FMNL2: variants seen among roughly 807,000 people sequenced by gnomAD.
FMNL2 encodes the protein formin-like protein 2.
A neutral mutation model predicts 130.2 loss-of-function variants in FMNL2; 51 were observed. The observed-to-expected ratio is 0.39, with a 90% confidence interval of 0.31 to 0.49. FMNL2 has a LOEUF of 0.49. Ranked by LOEUF, FMNL2 falls within the 20% of genes least tolerant of loss-of-function variation. The pLI is 0.85. For synonymous variants in FMNL2, 465 were observed against 467.1 expected (o/e 1.00, Z 0.06); for missense variants, 977 against 1,316.2 (o/e 0.74, Z 3.99).
At chr2:152,452,907 G>A (rs1254642513) in intron 1 of FMNL2, among the ~76,000 whole-genome samples, 2 of 151,982 alleles carry the variant, frequency 1.3e-5, no homozygotes, top group African/African-American at 4.8e-5. Context: ...GATTAGAAAG[G>A]AAATATGGCT....
intron 1 of FMNL2, among the ~76,000 whole-genome samples, chr2:152,511,843 C>T (rs924301413): frequency 6.6e-6 from 1 of 152,154 alleles, no homozygotes; most frequent in Non-Finnish European, 1.5e-5. Flanking sequence ...TTCAGATCAG[C>T]AGGTGATACA....
intron 1 of FMNL2, among the ~76,000 whole-genome samples, chr2:152,431,780 A>G (rs1009292674): frequency 6.6e-6 from 1 of 151,918 alleles, no homozygotes; most frequent in African/African-American, 2.4e-5. Flanking sequence ...AGCCCGGGCA[A>G]CATAGGGAGA....
At chr2:152,470,187 A>G (rs973478452) in intron 1 of FMNL2, among the ~76,000 whole-genome samples, 2 of 152,158 alleles carry the variant, frequency 1.3e-5, no homozygotes, top group Admixed American at 1.3e-4. Flanking sequence ...GTGATATTTG[A>G]GGCTGAATAA....
chr2:152,373,121 T>G (rs1433852966), intron 1 of FMNL2, among the ~76,000 whole-genome samples: 1 of 152,226 alleles, frequency 6.6e-6, no homozygotes, highest in Non-Finnish European at 1.5e-5. Flanking sequence ...TTAAACAAAG[T>G]TATCTTGATT....
intron 1 of FMNL2, among the ~76,000 whole-genome samples, chr2:152,505,439 C>G (rs987446387): frequency 2.0e-5 from 3 of 152,112 alleles, no homozygotes; most frequent in African/African-American, 7.2e-5. Context: ...TACAATTGAA[C>G]AAAGGAGAAT....
chr2:152,338,858 T>C (rs1681639454), intron 1 of FMNL2, among the ~76,000 whole-genome samples: 1 of 66,910 alleles, frequency 1.5e-5, no homozygotes, highest in South Asian at 4.3e-4. Flanking sequence ...CACACATATA[T>C]GCATATGCCT....
chr2:152,483,560 A>T (rs777899324), intron 1 of FMNL2, among the ~76,000 whole-genome samples: 6 of 152,194 alleles, frequency 3.9e-5, no homozygotes, highest in Non-Finnish European at 7.3e-5. Context: ...GCCCTTAAAA[A>T]AATGTCATCA....
intron 1 of FMNL2, among the ~76,000 whole-genome samples, chr2:152,435,681 T>C (rs922312414): frequency 1.3e-5 from 2 of 152,214 alleles, no homozygotes; most frequent in African/African-American, 2.4e-5. Flanking sequence ...ATATAGAGAT[T>C]CTAGCATTTT....
chr2:152,634,303 C>T (rs1682397493), intron 21 of FMNL2, among the ~76,000 whole-genome samples: 1 of 152,052 alleles, frequency 6.6e-6, no homozygotes, highest in African/African-American at 2.4e-5. Context: ...CATGGTGGCA[C>T]ATGCCTGTAC....
chr2:152,427,326 C>T (rs529868449), intron 1 of FMNL2, among the ~76,000 whole-genome samples: 1 of 152,220 alleles, frequency 6.6e-6, no homozygotes, highest in East Asian at 1.9e-4. Context: ...ATGGGTGGAT[C>T]ACTTGAGGTC....
chr2:152,570,799 C>T (rs965911577), intron 6 of FMNL2, among the ~76,000 whole-genome samples: 8 of 152,180 alleles, frequency 5.3e-5, no homozygotes, highest in Non-Finnish European at 1.2e-4. Context: ...AAAAGTTACA[C>T]TTCAGAATGA....
At chr2:152,578,754 A>C in intron 7 of FMNL2, 134 bp from the exon 8 acceptor site, 2 of 629,924 alleles carry the variant, frequency 3.2e-6, no homozygotes, top group Non-Finnish European at 5.5e-6. Flanking sequence ...TATACTAGAG[A>C]CATAAGTGCA....
At chr2:152,445,836 A>G (rs1377433856) in intron 1 of FMNL2, among the ~76,000 whole-genome samples, 1 of 152,230 alleles carries the variant, frequency 6.6e-6, no homozygotes, top group East Asian at 1.9e-4. Context: ...GCCATCAGCC[A>G]GTCGTCAGGG....
At chr2:152,626,470 G>A (rs776808928) in intron 16 of FMNL2, 55 bp from the exon 17 acceptor site, 32 of 1,463,784 alleles carry the variant, frequency 2.2e-5, no homozygotes, top group Non-Finnish European at 2.7e-5. Flanking sequence ...GGTGGCTTCC[G>A]GACTTCATTT....
chr2:152,637,612 C>T lies in FMNL2; in HGVS notation c.2884C>T (p.Pro962Ser), dbSNP rs1313513184. Residue 962 changes from proline (P) to serine (S), a missense_variant, in exon 23 of 26, where the codon CCC becomes TCC. By Grantham distance (74) the Pro-to-Ser change is moderately conservative (BLOSUM62 -1). Coordinates refer to ENST00000288670, the MANE Select transcript of FMNL2 (RefSeq NM_052905.4). ...TGTTGTGAAGTATTTTGGAGAAAAC[C>T]CCAAGACAACACCACCCTCTGTCTT... ...DDVVKYFGEN[P>S]KTTPPSVFFP... is the part of the protein sequence containing the mutation. The T allele has an allele frequency of 6.2e-7, 1 of 1,613,920 alleles. No individual in the cohort carries two copies. The highest frequency in any genetic ancestry group is 8.5e-7 in the Non-Finnish European group (1 of 1,179,870).
rs34974542 is a variant in FMNL2, at chr2:152,412,190, C to T, written c.117+76470C>T. Among the ~76,000 whole-genome samples the T allele has an allele frequency of 9.6e-3, 1,459 of 151,928 alleles. 20 individuals are homozygous for T. The highest frequency in any genetic ancestry group is 0.028 in the African/African-American group (1,167 of 41,372). ...GGCTTTTTCCTCTTAGTATTGTCTTCGAGCACTTGGCAGGTGGCATTTGGA... is the reference window on the plus strand; with the variant it reads ...GGCTTTTTCCTCTTAGTATTGTCTTTGAGCACTTGGCAGGTGGCATTTGGA... On this transcript the variant is annotated intron_variant, in intron 1 of 25. Transcript: ENST00000288670.
At chr2:152,581,628 C>T (rs1225287954) in intron 9 of FMNL2, among the ~76,000 whole-genome samples, 1 of 152,044 alleles carries the variant, frequency 6.6e-6, no homozygotes, top group Non-Finnish European at 1.5e-5. Flanking sequence ...CAAACATCAC[C>T]GCCGCGGGCC....
intron 1 of FMNL2, among the ~76,000 whole-genome samples, chr2:152,437,770 T>C (rs1401962123): frequency 6.6e-6 from 1 of 152,224 alleles, no homozygotes; most frequent in Non-Finnish European, 1.5e-5. Flanking sequence ...AGTCCCCCTC[T>C]TGGGCAGTCT....
chr2:152,536,893 G>A lies in FMNL2; in HGVS notation c.202-5846G>A, dbSNP rs192744279. Among the ~76,000 whole-genome samples, 31 of 152,324 alleles carry A rather than the reference G, an allele frequency of 2.0e-4. 1 individual carries two copies. The highest frequency in any genetic ancestry group is 5.2e-4 in the Admixed American group (8 of 15,296). ...GAGCGGAAATGCTTATAACATGCTT[G>A]TTCTGAGTCTAGCTCACACCAAATT... is the stretch of plus-strand genomic sequence containing the variant. On this transcript the variant is annotated intron_variant, in intron 2 of 25. Coordinates refer to ENST00000288670, the MANE Select transcript of FMNL2 (RefSeq NM_052905.4).
Sources: gnomAD v4.1 joint callset for allele counts (sites outside exome capture counted in the v4.1 genomes callset) on GRCh38, gnomAD v4.1.1 for gene constraint, MANE v1.5 for transcripts, NCBI Gene and HGNC (gene_info 2026-07-23, HGNC 2026-07-21) for gene names.